Variants in CHRM3 observed in about 807,000 individuals in gnomAD.
The protein encoded by CHRM3 is cholinergic receptor muscarinic 3, also known as muscarinic acetylcholine receptor M3.
In CHRM3, 11 loss-of-function variants were observed where a neutral mutation model predicts 41.8. The observed-to-expected ratio is 0.26, with a 90% CI of 0.17 to 0.44. CHRM3 has a LOEUF of 0.44. CHRM3 is among the 20% of genes least tolerant of loss of function. CHRM3 has a pLI of 1.00. For synonymous variants in CHRM3, 297 were observed against 301.4 expected (o/e 0.99, Z 0.15); for missense variants, 571 against 745.4 (o/e 0.77, Z 2.72).
intron 1 of CHRM3, among the ~76,000 whole-genome samples, chr1:239,392,700 T>C (rs1268587717): frequency 6.6e-6 from 1 of 152,254 alleles, no homozygotes; most frequent in Non-Finnish European, 1.5e-5. Context: ...ACTGAAGCCT[T>C]CTAATTTACC....
At chr1:239,506,905 A>G (rs1668609069) in intron 2 of CHRM3, among the ~76,000 whole-genome samples, 1 of 152,144 alleles carries the variant, frequency 6.6e-6, no homozygotes. Flanking sequence ...TGGAGTTTTA[A>G]GATTAGACTG....
At chr1:239,482,385 A>G (rs1303082170) in intron 1 of CHRM3, among the ~76,000 whole-genome samples, 1 of 152,206 alleles carries the variant, frequency 6.6e-6, no homozygotes. Context: ...ACTGGAAACC[A>G]AAAGAGTTTT....
intron 1 of CHRM3, among the ~76,000 whole-genome samples, chr1:239,438,641 T>A (rs1257442684): frequency 1.3e-5 from 2 of 152,190 alleles, no homozygotes; most frequent in Non-Finnish European, 2.9e-5. Flanking sequence ...TTTTTGAGAT[T>A]TGGGAGGCTT....
At chr1:239,405,828 C>T (rs1454741443) in intron 1 of CHRM3, among the ~76,000 whole-genome samples, 1 of 152,192 alleles carries the variant, frequency 6.6e-6, no homozygotes, top group Non-Finnish European at 1.5e-5. Context: ...CATTCTTTTA[C>T]TCCTTGGCAT....
At chr1:239,504,564 G>A (rs1167879695) in intron 2 of CHRM3, among the ~76,000 whole-genome samples, 1 of 152,132 alleles carries the variant, frequency 6.6e-6, no homozygotes, top group Non-Finnish European at 1.5e-5. Flanking sequence ...CCACTAGTGG[G>A]TAACTATCCA....
chr1:239,500,367 C>CA (rs1260354395), intron 2 of CHRM3, among the ~76,000 whole-genome samples: 10 of 139,986 alleles, frequency 7.1e-5, no homozygotes, highest in African/African-American at 1.9e-4. Flanking sequence ...ACCGCAAGGA[C>CA]AAAAAACCAA....
At chr1:239,665,866 C>T (rs764885955) in intron 4 of CHRM3, among the ~76,000 whole-genome samples, 9 of 152,164 alleles carry the variant, frequency 5.9e-5, no homozygotes, top group Non-Finnish European at 8.8e-5. Context: ...TTTATGGTTG[C>T]ATAGTATTAC....
chr1:239,434,792 G>A (rs989584878), intron 1 of CHRM3, among the ~76,000 whole-genome samples: 1 of 152,146 alleles, frequency 6.6e-6, no homozygotes, highest in Non-Finnish European at 1.5e-5. Flanking sequence ...AGAAAGAGAA[G>A]AAGAAAAGAA....
intron 2 of CHRM3, among the ~76,000 whole-genome samples, chr1:239,530,171 G>A (rs1267813087): frequency 1.3e-5 from 2 of 152,022 alleles, no homozygotes; most frequent in East Asian, 3.9e-4. Flanking sequence ...CCAAAGTGCT[G>A]GGATTACAGG....
intron 3 of CHRM3, among the ~76,000 whole-genome samples, chr1:239,554,568 C>CT (rs980301358): frequency 6.6e-6 from 1 of 151,808 alleles, no homozygotes; most frequent in Non-Finnish European, 1.5e-5. Flanking sequence ...AAAGCAGCTC[C>CT]TTTTTTATAG....
At chr1:239,778,553 T>C (rs932326023) in intron 5 of CHRM3, among the ~76,000 whole-genome samples, 3 of 152,172 alleles carry the variant, frequency 2.0e-5, no homozygotes, top group African/African-American at 2.4e-5. Context: ...TATACAAATT[T>C]AACAGTCCCT....
intron 6 of CHRM3, among the ~76,000 whole-genome samples, chr1:239,877,411 A>T (rs533179367): frequency 1.2e-5 from 1 of 81,180 alleles, no homozygotes; most frequent in East Asian, 4.0e-4. Context: ...GCAAGACCCC[A>T]TTTCTATAAA....
intron 3 of CHRM3, among the ~76,000 whole-genome samples, chr1:239,603,587 C>A (rs1308679929): frequency 6.6e-6 from 1 of 151,976 alleles, no homozygotes; most frequent in Non-Finnish European, 1.5e-5. Context: ...GGTTTTATAG[C>A]CAGGGGCTTC....
At chr1:239,622,813 G>A (rs968294006) in intron 3 of CHRM3, among the ~76,000 whole-genome samples, 1 of 152,048 alleles carries the variant, frequency 6.6e-6, no homozygotes, top group Non-Finnish European at 1.5e-5. Context: ...TGAGAGGATT[G>A]GTTCCAATTT....
At chr1:239,797,680 G>A (rs553396545) in intron 5 of CHRM3, among the ~76,000 whole-genome samples, 19 of 152,240 alleles carry the variant, frequency 1.2e-4, no homozygotes, top group African/African-American at 4.1e-4. Flanking sequence ...TAAGAGTGAG[G>A]TAACCAGGGC....
chr1:239,851,410 A>T (rs542882192), intron 6 of CHRM3, among the ~76,000 whole-genome samples: 1 of 152,180 alleles, frequency 6.6e-6, no homozygotes, highest in East Asian at 1.9e-4. Context: ...ATTTTATTTT[A>T]TCTTCCAATA....
intron 5 of CHRM3, among the ~76,000 whole-genome samples, chr1:239,731,518 G>C (rs1390433642): frequency 1.3e-5 from 2 of 151,934 alleles, no homozygotes; most frequent in Non-Finnish European, 2.9e-5. Context: ...TATGCCGTTA[G>C]TATTGTGATA....
intron 1 of CHRM3, among the ~76,000 whole-genome samples, chr1:239,441,256 A>T (rs1265221017): frequency 6.6e-6 from 1 of 152,218 alleles, no homozygotes; most frequent in African/African-American, 2.4e-5. Flanking sequence ...GTTAACCAAA[A>T]GTGAGACAAA....
At position 239,693,890 on chromosome 1, in the gene CHRM3, C is replaced by T. The variant is rs562749016; in HGVS notation, c.-147+15602C>T. 2.0e-5 allele frequency among the ~76,000 whole-genome samples: 3 copies of T among 152,152 alleles called. No individual in the cohort carries two copies. The South Asian group carries it at 6.2e-4, about 32-fold the overall frequency. On this transcript the variant is annotated intron_variant, in intron 5 of 6. Transcript: ENST00000676153. ...TGTAGGGTTTCCTTCAATTTCATACCTGATAGGGCTTATTTTTCCAATATG... is the reference window on the plus strand; with the variant it reads ...TGTAGGGTTTCCTTCAATTTCATACTTGATAGGGCTTATTTTTCCAATATG...
Sources: gnomAD v4.1 joint callset for allele counts (sites outside exome capture counted in the v4.1 genomes callset) on GRCh38, gnomAD v4.1.1 for gene constraint, MANE v1.5 for transcripts, NCBI Gene and HGNC (gene_info 2026-07-23, HGNC 2026-07-21) for gene names.